The following DOCK1 variants were observed in gnomAD, a reference collection of about 807,000 sequenced individuals.
The protein encoded by DOCK1 is dedicator of cytokinesis protein 1.
In DOCK1, 138 loss-of-function variants were observed where a neutral mutation model predicts 262.7. The observed-to-expected ratio is 0.53, with a 90% CI of 0.46 to 0.61. DOCK1 has a LOEUF of 0.61. DOCK1 is among the 20% of genes least tolerant of loss of function. The probability of loss-of-function intolerance (pLI) is 0.00; values close to 1 mark genes in which losing one functional copy is unlikely to be tolerated. For missense variants in DOCK1, 1,908 were observed against 2,370.7 expected (o/e 0.80, Z 4.05); for synonymous variants, 866 against 867.4 (o/e 1.00, Z 0.03).
intron 23 of DOCK1, 80 bp from the exon 24 acceptor site, chr10:127,106,151 T>G: frequency 4.3e-6 from 6 of 1,393,818 alleles, no homozygotes; most frequent in Non-Finnish European, 5.9e-6. Context: ...TTTCTGCGGT[T>G]CTTCTCATAA....
intron 1 of DOCK1, among the ~76,000 whole-genome samples, chr10:126,952,246 T>C (rs1278694948): frequency 6.6e-6 from 1 of 152,060 alleles, no homozygotes; most frequent in Non-Finnish European, 1.5e-5. Context: ...GTGTTGTAGG[T>C]GATGGTGATG....
intron 29 of DOCK1, among the ~76,000 whole-genome samples, chr10:127,314,587 G>A (rs1217838054): frequency 6.7e-6 from 1 of 150,164 alleles, no homozygotes; most frequent in African/African-American, 2.5e-5. Flanking sequence ...CATAGATCCT[G>A]TTTTGTTTTT....
chr10:127,236,951 C>T (rs1343735151), intron 27 of DOCK1, among the ~76,000 whole-genome samples: 1 of 152,148 alleles, frequency 6.6e-6, no homozygotes, highest in African/African-American at 2.4e-5. Flanking sequence ...AAAATTTATA[C>T]AGCAAACGTA....
At chr10:127,448,140 C>T (rs1211983696) in intron 51 of DOCK1, among the ~76,000 whole-genome samples, 1 of 152,190 alleles carries the variant, frequency 6.6e-6, no homozygotes, top group African/African-American at 2.4e-5. Flanking sequence ...CACCCCTGGG[C>T]ACCCTCCCCA....
At position 127,096,448 on chromosome 10, in the gene DOCK1, G is replaced by A. The variant is rs146087995; in HGVS notation, c.2446-9783G>A. Among the ~76,000 whole-genome samples, 11 of 152,188 alleles carry A rather than the reference G, an allele frequency of 7.2e-5. No individual in the cohort carries two copies. The East Asian group carries it at 2.1e-3, about 29-fold the overall frequency. On this transcript the variant is annotated intron_variant, in intron 23 of 51. Coordinates refer to ENST00000623213, the MANE Select transcript of DOCK1 (RefSeq NM_001290223.2). ...GGATTTGTGGACCATATATATTTTA[G>A]CTCAAAACCTCCAAGTGGAATCATT...
At chr10:126,947,521 G>A (rs1475190966) in intron 1 of DOCK1, among the ~76,000 whole-genome samples, 47 of 128,964 alleles carry the variant, frequency 3.6e-4, no homozygotes, top group East Asian at 5.8e-4. Context: ...TGGTGGTGGT[G>A]GTTGGTAGTA....
chr10:127,330,505 A>G (rs77455451), intron 29 of DOCK1, among the ~76,000 whole-genome samples: 8,823 of 152,324 alleles, frequency 0.058, 312 homozygotes, highest in Non-Finnish European at 0.088. Flanking sequence ...TGGCACAGCC[A>G]CTATGGAAAA....
chr10:126,996,535 A>ATTTT (rs10538924), intron 6 of DOCK1, among the ~76,000 whole-genome samples: 1 of 136,202 alleles, frequency 7.3e-6, no homozygotes, highest in Non-Finnish European at 1.6e-5. Flanking sequence ...AAAATTGAGG[A>ATTTT]TTTTTTTTTT....
chr10:127,181,174 G>A (rs1281127805), intron 27 of DOCK1, among the ~76,000 whole-genome samples: 2 of 152,190 alleles, frequency 1.3e-5, no homozygotes, highest in Non-Finnish European at 2.9e-5. Context: ...GTATATGTAT[G>A]TATATATGCA....
chr10:127,318,091 A>C (rs2062360787), intron 29 of DOCK1, among the ~76,000 whole-genome samples: 1 of 152,208 alleles, frequency 6.6e-6, no homozygotes, highest in African/African-American at 2.4e-5. Flanking sequence ...TAAGGACACA[A>C]CTAGATATTG....
chr10:127,211,205 C>A (rs910364476), intron 27 of DOCK1, among the ~76,000 whole-genome samples: 2 of 152,144 alleles, frequency 1.3e-5, no homozygotes, highest in African/African-American at 4.8e-5. Context: ...GCAGGAAGGG[C>A]AGCTAAGGAA....
chr10:127,295,042 G>C (rs1290319118), intron 29 of DOCK1, among the ~76,000 whole-genome samples: 1 of 152,184 alleles, frequency 6.6e-6, no homozygotes, highest in Non-Finnish European at 1.5e-5. Flanking sequence ...AGGATCACTT[G>C]ATGCCAGGAA....
At position 127,254,872 on chromosome 10, in the gene DOCK1, T is replaced by C. The variant is rs540871805; in HGVS notation, c.2950-2463T>C. On this transcript the variant is annotated intron_variant, in intron 28 of 51. Transcript: ENST00000623213. The stretch of plus-strand genomic sequence containing the variant: ...AGCATTGATGCCTTGATGAGATTTG[T>C]CATTTGAAAAGTGAAGCATGGGGAC... 2.6e-5 allele frequency among the ~76,000 whole-genome samples: 4 copies of C among 152,314 alleles called. No individual in the cohort carries two copies. In the East Asian group the frequency reaches 7.7e-4, roughly 29 times the overall value.
intron 2 of DOCK1, among the ~76,000 whole-genome samples, chr10:126,975,874 T>A (rs2038499143): frequency 6.6e-6 from 1 of 152,110 alleles, no homozygotes; most frequent in Non-Finnish European, 1.5e-5. Flanking sequence ...CCTCTTCGGC[T>A]GCCCAAAATA....
At position 127,008,770 on chromosome 10, in the gene DOCK1, G is replaced by T; in HGVS notation, c.1024G>T (p.Asp342Tyr). 1 of 1,601,046 alleles carries T rather than the reference G, an allele frequency of 6.2e-7. No individual in the cohort carries two copies. The change falls in exon 11 of 52, where the codon GAT becomes TAT. Residue 342 changes from aspartate to tyrosine, a missense_variant. Coordinates refer to ENST00000623213, the MANE Select transcript of DOCK1 (RefSeq NM_001290223.2). ...VTDIINGKVD[D>Y]EDKQHFIPFQ... is the part of the protein sequence containing the mutation. ...AGATATAATAAATGGAAAAGTAGAT[G>T]ATGAAGATAAGCAGCATTTCATTCC...
At position 127,035,099 on chromosome 10, in the gene DOCK1, T is replaced by G. The variant is rs1038135060; in HGVS notation, c.1913-2620T>G. ...CCTTTCATTTCTCACCAGCCACGGT[T>G]CCCCTTCTTGGGATTGTGGCATGTC... is the stretch of plus-strand genomic sequence containing the variant. On this transcript the variant is annotated intron_variant, in intron 18 of 51. Coordinates refer to ENST00000623213, the MANE Select transcript of DOCK1 (RefSeq NM_001290223.2). Among the ~76,000 whole-genome samples, 24 of 152,182 alleles carry G rather than the reference T, an allele frequency of 1.6e-4. 1 individual carries two copies. The highest frequency in any genetic ancestry group is 1.5e-3 in the Admixed American group (23 of 15,278).
At chr10:127,044,400 T>C (rs2044208392) in intron 21 of DOCK1, among the ~76,000 whole-genome samples, 1 of 152,140 alleles carries the variant, frequency 6.6e-6, no homozygotes, top group African/African-American at 2.4e-5. Context: ...CTGTGACTAG[T>C]TCTTTGCACT....
intron 38 of DOCK1, among the ~76,000 whole-genome samples, chr10:127,402,377 G>A (rs1302442504): frequency 6.6e-6 from 1 of 152,116 alleles, no homozygotes; most frequent in Non-Finnish European, 1.5e-5. Context: ...AAAAATAAGG[G>A]AAATTCAGGC....
intron 38 of DOCK1, among the ~76,000 whole-genome samples, chr10:127,395,513 CAA>C (rs2066770637): frequency 6.6e-6 from 1 of 152,214 alleles, no homozygotes; most frequent in African/African-American, 2.4e-5. Flanking sequence ...CAGAGCATAG[CAA>C]AGACATTGGA....
Sources: gnomAD v4.1 joint callset for allele counts (sites outside exome capture counted in the v4.1 genomes callset) on GRCh38, gnomAD v4.1.1 for gene constraint, MANE v1.5 for transcripts, NCBI Gene and HGNC (gene_info 2026-07-23, HGNC 2026-07-21) for gene names.